Variants in SNX9 observed in about 807,000 individuals in gnomAD.
SNX9 encodes sorting nexin-9.
Under a neutral mutation model 89.4 loss-of-function variants are expected in SNX9, and 44 were observed. The observed-to-expected ratio is 0.49, with a 90% CI of 0.39 to 0.63. The LOEUF (loss-of-function observed/expected upper bound fraction) is 0.63, where lower values mean the gene tolerates loss of function less well. SNX9 is among the 30% of genes least tolerant of loss of function. The pLI, the probability that SNX9 is intolerant of heterozygous loss-of-function variation, is 0.00. For missense variants in SNX9, 578 were observed against 736.1 expected (o/e 0.79, Z 2.49); for synonymous variants, 236 against 247.8 (o/e 0.95, Z 0.45).
chr6:157,838,898 C>T (rs1252974698), intron 1 of SNX9, among the ~76,000 whole-genome samples: 1 of 152,190 alleles, frequency 6.6e-6, no homozygotes, highest in Non-Finnish European at 1.5e-5. Flanking sequence ...TGTGCCCAGG[C>T]TTGTTCTAAA....
intron 12 of SNX9, among the ~76,000 whole-genome samples, chr6:157,931,385 T>A (rs1443746593): frequency 1.3e-5 from 2 of 152,242 alleles, no homozygotes; most frequent in Non-Finnish European, 2.9e-5. Flanking sequence ...TTTCTTTTTC[T>A]CCTTTAATAC....
chr6:157,919,682 T>C (rs1783544283), intron 9 of SNX9, among the ~76,000 whole-genome samples: 1 of 152,230 alleles, frequency 6.6e-6, no homozygotes, highest in African/African-American at 2.4e-5. Context: ...ATCTGCCACA[T>C]TGTTTTTTTC....
At chr6:157,915,857 A>T (rs888895842) in intron 9 of SNX9, among the ~76,000 whole-genome samples, 2 of 145,552 alleles carry the variant, frequency 1.4e-5, no homozygotes, top group Non-Finnish European at 3.0e-5. Flanking sequence ...TAAGAATTTC[A>T]TTGGAGAGTT....
intron 1 of SNX9, among the ~76,000 whole-genome samples, chr6:157,860,854 C>T (rs147301787): frequency 7.9e-5 from 12 of 152,276 alleles, no homozygotes; most frequent in African/African-American, 2.9e-4. Flanking sequence ...ATTGTACAGT[C>T]GCCTTTTGTT....
At chr6:157,896,740 G>C in intron 4 of SNX9, 87 bp from the exon 5 acceptor site, 1 of 1,385,028 alleles carries the variant, frequency 7.2e-7, no homozygotes, top group East Asian at 2.3e-5. Flanking sequence ...TACTCCTGTT[G>C]TATTCAATTG....
chr6:157,861,729 A>G (rs1385636011), intron 1 of SNX9, among the ~76,000 whole-genome samples: 1 of 152,198 alleles, frequency 6.6e-6, no homozygotes, highest in Non-Finnish European at 1.5e-5. Flanking sequence ...ACCAAACCTT[A>G]TGTGTGTACT....
At chr6:157,920,366 C>T (rs1006461265) in intron 9 of SNX9, among the ~76,000 whole-genome samples, 1 of 152,204 alleles carries the variant, frequency 6.6e-6, no homozygotes, top group African/African-American at 2.4e-5. Flanking sequence ...TTGTCACTGC[C>T]ACTGACACCA....
intron 4 of SNX9, among the ~76,000 whole-genome samples, chr6:157,893,608 T>TGTG (rs1782909401): frequency 8.1e-5 from 12 of 148,754 alleles, no homozygotes; most frequent in African/African-American, 2.7e-4. Flanking sequence ...CTAGCACCAT[T>TGTG]TGTGTGTGTG....
At chr6:157,938,855 G>C in intron 16 of SNX9, 108 bp downstream of exon 16, 1 of 715,360 alleles carries the variant, frequency 1.4e-6, no homozygotes, top group Admixed American at 2.3e-5. Context: ...AAGTAAGTGA[G>C]ACCTTTTAAG....
intron 10 of SNX9, 51 bp from the exon 11 acceptor site, chr6:157,927,060 A>T: frequency 1.4e-6 from 2 of 1,416,666 alleles, no homozygotes; most frequent in South Asian, 1.2e-5. Flanking sequence ...AATTTTGAAG[A>T]CCAGTTTGAC....
chr6:157,823,625 G>A lies in SNX9; in HGVS notation c.12+179G>A, dbSNP rs1184160606. On this transcript the variant is annotated intron_variant, in intron 1 of 17. Transcript: ENST00000392185. The surrounding 1 kb of genome is among the most constrained non-coding windows in gnomAD (Gnocchi z 4.6). Reference sequence around the variant, plus strand: ...GCCAGTCCCTTCTGGGCATGGGTGCGGCGGGCAGTGCAGACAGACCACCAG... The same window carrying A: ...GCCAGTCCCTTCTGGGCATGGGTGCAGCGGGCAGTGCAGACAGACCACCAG... 6.6e-6 allele frequency among the ~76,000 whole-genome samples: 1 copy of A among 151,942 alleles called. No individual in the cohort carries two copies. The highest frequency in any genetic ancestry group is 1.5e-5 in the Non-Finnish European group (1 of 67,910).
At chr6:157,832,875 A>G (rs1781503080) in intron 1 of SNX9, among the ~76,000 whole-genome samples, 1 of 152,186 alleles carries the variant, frequency 6.6e-6, no homozygotes, top group South Asian at 2.1e-4. Flanking sequence ...GTTACTTAGT[A>G]CTTTGAGTGA....
intron 1 of SNX9, among the ~76,000 whole-genome samples, chr6:157,835,844 C>G (rs922084393): frequency 2.0e-5 from 3 of 152,168 alleles, no homozygotes; most frequent in Non-Finnish European, 4.4e-5. Context: ...GTATAAATTA[C>G]CCAGTCTTGG....
intron 9 of SNX9, among the ~76,000 whole-genome samples, chr6:157,911,206 C>T (rs1424961834): frequency 6.6e-6 from 1 of 152,162 alleles, no homozygotes. Context: ...AAAATGTTCA[C>T]ATACATGAAC....
rs56099739 is a variant in SNX9, at chr6:157,890,193, A to G, written c.301-6634A>G. On this transcript the variant is annotated intron_variant, in intron 4 of 17. Transcript: ENST00000392185. ...CTTGCCCCTTTTTATCCCATATTGTATATTTGTACCATGTGCAGCTTTCCT... is the reference window on the plus strand; with the variant it reads ...CTTGCCCCTTTTTATCCCATATTGTGTATTTGTACCATGTGCAGCTTTCCT... Among the ~76,000 whole-genome samples the G allele has an allele frequency of 5.1e-3, 774 of 152,232 alleles. 2 individuals carry two copies. The highest frequency in any genetic ancestry group is 7.7e-3 in the Non-Finnish European group (523 of 68,012).
intron 1 of SNX9, among the ~76,000 whole-genome samples, chr6:157,833,143 A>G (rs1195631138): frequency 6.6e-6 from 1 of 152,220 alleles, no homozygotes; most frequent in Non-Finnish European, 1.5e-5. Flanking sequence ...AAATTCACAG[A>G]AAAAGGCTTG....
At chr6:157,900,052 G>A (rs35181059) in intron 5 of SNX9, among the ~76,000 whole-genome samples, 8,040 of 152,112 alleles carry the variant, frequency 0.053, 266 homozygotes, top group South Asian at 0.1. Flanking sequence ...TATCCTACAT[G>A]ACTGCAACTT....
intron 13 of SNX9, among the ~76,000 whole-genome samples, chr6:157,933,013 C>T (rs565839256): frequency 1.4e-4 from 21 of 152,076 alleles, no homozygotes; most frequent in African/African-American, 5.1e-4. Context: ...TGTATCTTAC[C>T]CAGGGATCCC....
chr6:157,915,983 A>AT (rs1376836080), intron 9 of SNX9, among the ~76,000 whole-genome samples: 14 of 150,938 alleles, frequency 9.3e-5, no homozygotes, highest in Non-Finnish European at 1.9e-4. Flanking sequence ...AACTCACTCA[A>AT]TAGTTCCAGG....
Sources: allele counts gnomAD v4.1 joint callset (sites outside exome capture counted in the v4.1 genomes callset), GRCh38; gene constraint gnomAD v4.1.1; non-coding constraint Gnocchi (gnomAD v3.1); transcripts MANE v1.5; gene names NCBI Gene and HGNC (gene_info 2026-07-23, HGNC 2026-07-21).